TNRC6C: variants seen among roughly 807,000 people sequenced by gnomAD.
TNRC6C encodes trinucleotide repeat-containing gene 6C protein.
Under a neutral mutation model 153.7 loss-of-function variants are expected in TNRC6C, and 20 were observed. The ratio of observed to expected loss-of-function variants is 0.13; its 90% CI spans 0.09 to 0.19. The LOEUF is 0.19. Among genes scored for constraint, TNRC6C ranks in the 10% least tolerant of loss-of-function variants. TNRC6C has a pLI of 1.00. For synonymous variants in TNRC6C, 811 were observed against 841.4 expected (o/e 0.96, Z 0.63); for missense variants, 1,987 against 2,172.0 (o/e 0.91, Z 1.69).
At chr17:78,048,276 T>C (rs1290277223) in intron 2 of TNRC6C, among the ~76,000 whole-genome samples, 2 of 152,208 alleles carry the variant, frequency 1.3e-5, no homozygotes, top group Non-Finnish European at 2.9e-5. Flanking sequence ...TAACATAAGA[T>C]AGCATTGTCT....
chr17:77,957,727 G>A (rs1056157721), upstream of TNRC6C, among the ~76,000 whole-genome samples: 1 of 152,234 alleles, frequency 6.6e-6, no homozygotes, highest in Non-Finnish European at 1.5e-5. Flanking sequence ...ATCTTCTCCT[G>A]GCTTGAACCG....
intron 1 of TNRC6C, among the ~76,000 whole-genome samples, chr17:78,019,057 AC>A (rs1567918142): frequency 2.0e-5 from 3 of 152,176 alleles, no homozygotes. Flanking sequence ...TTGGGATGAT[AC>A]AGAAGTATGG....
chr17:78,036,639 A>G (rs968874397), intron 2 of TNRC6C, among the ~76,000 whole-genome samples: 3 of 152,132 alleles, frequency 2.0e-5, no homozygotes, highest in African/African-American at 7.2e-5. Context: ...AGAGACTTAC[A>G]TAGGCCGGGC....
At chr17:78,097,745 G>T (rs1257188598) in intron 16 of TNRC6C, 2 of 1,546,292 alleles carry the variant, frequency 1.3e-6, no homozygotes, top group Non-Finnish European at 8.7e-7. Flanking sequence ...GGTTCTGCAG[G>T]GTCCTCCCCG....
At chr17:78,076,236 A>G (rs2073082565) in intron 8 of TNRC6C, among the ~76,000 whole-genome samples, 1 of 140,830 alleles carries the variant, frequency 7.1e-6, no homozygotes, top group South Asian at 2.4e-4. Flanking sequence ...AGAAAAAGAA[A>G]AAAAAAAAAG....
chr17:78,011,437 A>G (rs2071628944), intron 1 of TNRC6C, among the ~76,000 whole-genome samples: 1 of 152,214 alleles, frequency 6.6e-6, no homozygotes, highest in South Asian at 2.1e-4. Context: ...AGGGACTCCT[A>G]CACTGTGCAC....
At chr17:78,006,164 G>T (rs2071491683) in intron 1 of TNRC6C, among the ~76,000 whole-genome samples, 1 of 152,206 alleles carries the variant, frequency 6.6e-6, no homozygotes, top group Non-Finnish European at 1.5e-5. Context: ...TAAGAGGCTG[G>T]TTCTTGGTTA....
rs1193511286 is a variant in TNRC6C at position 78,077,097 on chromosome 17, A to AT, written c.3061-88_3061-87insT. 5.0e-6 allele frequency: 7 copies of AT among 1,411,866 alleles called. No homozygotes were observed. In the African/African-American group the frequency reaches 6.0e-5, roughly 12 times the overall value. 87.5% of individuals were successfully genotyped at this position (1,411,866 alleles called of 1,614,324 possible). A position where few individuals can be genotyped will look rare whatever the true frequency, so the allele number is the denominator to read the frequency against. ...TGATCTGTTAATTATTTATCCATCC[A>AT]CGCCTCCTCTGTTTCCTTGGGAAAC... On this transcript the variant is annotated intron_variant, in intron 8 of 19. Coordinates refer to ENST00000301624, the Ensembl canonical transcript of TNRC6C.
chr17:78,042,846 T>G (rs2072327660), intron 2 of TNRC6C, among the ~76,000 whole-genome samples: 1 of 151,940 alleles, frequency 6.6e-6, no homozygotes, highest in African/African-American at 2.4e-5. Context: ...ATGGTGGTGG[T>G]GGTGATGATG....
chr17:78,094,078 C>T (rs1273939705), intron 16 of TNRC6C, among the ~76,000 whole-genome samples: 2 of 151,136 alleles, frequency 1.3e-5, no homozygotes, highest in Non-Finnish European at 2.9e-5. Flanking sequence ...CTTCTGGGTT[C>T]AAGCGACTCT....
intron 1 of TNRC6C, among the ~76,000 whole-genome samples, chr17:77,996,358 G>A (rs2071328737): frequency 6.6e-6 from 1 of 152,152 alleles, no homozygotes; most frequent in Non-Finnish European, 1.5e-5. Flanking sequence ...TGAGGTAGAT[G>A]ACAAAATTGA....
At chr17:78,027,154 C>T (rs2071957741) in intron 1 of TNRC6C, among the ~76,000 whole-genome samples, 1 of 151,968 alleles carries the variant, frequency 6.6e-6, no homozygotes, top group Non-Finnish European at 1.5e-5. Context: ...TCTTTTGGTC[C>T]AAAGACTGAG....
exon 15 of TNRC6C, chr17:78,093,022 G>A (rs2073420185): frequency 6.2e-7 from 1 of 1,613,828 alleles, no homozygotes. Context: ...CCAGAACAGT[G>A]AGTCACCAGC....
In TNRC6C at chr17:78,075,002, C is replaced by A; in HGVS notation, c.2918-134C>A. 1 of 1,183,842 alleles carries A rather than the reference C, an allele frequency of 8.4e-7. No individual in the cohort carries two copies. The highest frequency in any genetic ancestry group is 1.2e-6 in the Non-Finnish European group (1 of 853,676). 73.3% of individuals were successfully genotyped at this position (1,183,842 alleles called of 1,614,324 possible). A position where few individuals can be genotyped will look rare whatever the true frequency, so the allele number is the denominator to read the frequency against. ...TCAGCCCTAGCAAAGCAAGGGCTCT[C>A]TCTGCCCCTGGCTTCCCTGTGTTTG... On this transcript the variant is annotated intron_variant, in intron 7 of 19. Coordinates refer to ENST00000301624, the Ensembl canonical transcript of TNRC6C. The surrounding 1 kb of genome is among the most constrained non-coding windows in gnomAD (Gnocchi z 4.2).
At position 77,980,765 on chromosome 17, in the gene TNRC6C, G is replaced by A. The variant is rs150382823; in HGVS notation, c.-38+21497G>A. On this transcript the variant is annotated intron_variant, in intron 1 of 22. Transcript: ENST00000636222. ...TGGGTTCAGTTAATTTGCTAGAGTG[G>A]CTCACAGAACTCAGGGAAATAATTA... 7.7e-3 allele frequency among the ~76,000 whole-genome samples: 1,174 copies of A among 152,234 alleles called. 5 individuals are homozygous for A. Among genetic ancestry groups the A allele is most frequent in the Middle Eastern group, 0.031 (9 of 294 alleles).
At chr17:78,034,958 A>G (rs964861224) in intron 2 of TNRC6C, among the ~76,000 whole-genome samples, 15 of 152,152 alleles carry the variant, frequency 9.9e-5, no homozygotes, top group African/African-American at 3.6e-4. Flanking sequence ...AACAGGAAAA[A>G]ATAAATAACG....
chr17:78,098,050 G>T (rs569852054), intron 16 of TNRC6C, among the ~76,000 whole-genome samples, 189 bp downstream of exon 19: 1 of 152,210 alleles, frequency 6.6e-6, no homozygotes, highest in African/African-American at 2.4e-5. Context: ...CAGCTTGCAC[G>T]CACATGGAAG....
At chr17:77,962,991 G>A (rs921133301) in intron 1 of TNRC6C, among the ~76,000 whole-genome samples, 3 of 152,198 alleles carry the variant, frequency 2.0e-5, no homozygotes, top group Non-Finnish European at 2.9e-5. Context: ...GGGGTAGATT[G>A]TACAGGTTTT....
chr17:78,060,790 T>A (rs560207315), intron 3 of TNRC6C, among the ~76,000 whole-genome samples: 1 of 152,210 alleles, frequency 6.6e-6, no homozygotes, highest in Non-Finnish European at 1.5e-5. Flanking sequence ...ATCACACTTA[T>A]AAAGCTATGT....
Sources: allele counts gnomAD v4.1 joint callset (sites outside exome capture counted in the v4.1 genomes callset), GRCh38; gene constraint gnomAD v4.1.1; non-coding constraint Gnocchi (gnomAD v3.1); transcripts MANE v1.5; gene names NCBI Gene and HGNC (gene_info 2026-07-23, HGNC 2026-07-21).